FOXK1: variants seen among roughly 807,000 people sequenced by gnomAD.
FOXK1 encodes forkhead box protein K1.
A neutral mutation model predicts 51.9 loss-of-function variants in FOXK1; 19 were observed. That is an observed-to-expected ratio of 0.37 (90% CI 0.26 to 0.54). The LOEUF is 0.54. Ranked by LOEUF, FOXK1 falls within the 20% of genes least tolerant of loss-of-function variation. The pLI, the probability that FOXK1 is intolerant of heterozygous loss-of-function variation, is 0.87. For synonymous variants in FOXK1, 537 were observed against 482.6 expected (o/e 1.11, Z -1.48); for missense variants, 870 against 1,032.7 (o/e 0.84, Z 2.16).
At chr7:4,689,507 A>G (rs554307619) in intron 1 of FOXK1, among the ~76,000 whole-genome samples, 15 of 152,156 alleles carry the variant, frequency 9.9e-5, no homozygotes, top group Non-Finnish European at 2.1e-4. Flanking sequence ...GAGCATGACA[A>G]TTGGGTGTTT....
rs1780125589 is a variant in FOXK1, at chr7:4,707,935, A to G, written c.560+25067A>G. On this transcript the variant is annotated intron_variant, in intron 1 of 8. Transcript: ENST00000328914. The surrounding 1 kb of genome is among the most constrained non-coding windows in gnomAD (Gnocchi z 4.1). ...CTGCCCCAAGTGATCCACCCTCCTC[A>G]GCCTCCCAAAGTGCTGGGATTACAC... is the stretch of plus-strand genomic sequence containing the variant. Among the ~76,000 whole-genome samples, 1 of 152,052 alleles carries G rather than the reference A, an allele frequency of 6.6e-6. No homozygotes were observed. Among genetic ancestry groups the G allele is most frequent in the South Asian group, 2.1e-4 (1 of 4,826 alleles).
rs1187935296 is a variant in FOXK1, at chr7:4,764,820, C to T, written c.*2356C>T. 1 of 152,328 alleles carries T rather than the reference C, an allele frequency of 6.6e-6. No homozygotes were observed. The highest frequency in any genetic ancestry group is 1.9e-4 in the East Asian group (1 of 5,194). The allele number at this position is 152,328 out of a possible 1,614,324, so 9.4% of individuals were successfully genotyped here. On this transcript the variant is annotated 3_prime_UTR_variant, in exon 9 of 9. Transcript: ENST00000328914. ...AGCGCCGCGTGCTGGGATTGCACCA[C>T]GTGTTGGTCACAAATCGAGGTCGCC...
chr7:4,737,012 C>T (rs1043001315), intron 1 of FOXK1, among the ~76,000 whole-genome samples: 1 of 152,206 alleles, frequency 6.6e-6, no homozygotes, highest in Non-Finnish European at 1.5e-5. Context: ...ACCTGGCTTT[C>T]AGGTGCCAGT....
chr7:4,740,667 A>T (rs1243426768), intron 1 of FOXK1, among the ~76,000 whole-genome samples, 171 bp from the exon 2 acceptor site: 1 of 152,118 alleles, frequency 6.6e-6, no homozygotes, highest in East Asian at 1.9e-4. Context: ...CAAATAAGCC[A>T]AAGTCTCAGT....
rs916540894 is a variant in FOXK1 at position 4,733,116 on chromosome 7, T to G, written c.561-7722T>G. Among the ~76,000 whole-genome samples, 2 of 152,218 alleles carry G rather than the reference T, an allele frequency of 1.3e-5. No individual in the cohort carries two copies. The highest frequency in any genetic ancestry group is 2.4e-5 in the African/African-American group (1 of 41,462). ...GGATTCTTTCAGTTAGGACGTAGTT[T>G]TGATTTTGCAACAAAGGTCAAAAAT... On this transcript the variant is annotated intron_variant, in intron 1 of 8. Transcript: ENST00000328914. This position sits in a 1 kb window ranked among gnomAD's most constrained non-coding sequence, Gnocchi z 5.0.
At chr7:4,751,207 G>A (rs11977614) in intron 2 of FOXK1, among the ~76,000 whole-genome samples, 1,845 of 151,228 alleles carry the variant, frequency 0.012, 43 homozygotes, top group African/African-American at 0.041. Flanking sequence ...TTTTAGTAGA[G>A]ACGGGGTTTC....
rs1161774015 is a variant in FOXK1, at chr7:4,743,124, G to A, written c.746+2101G>A. ...GTGAATCCTAAGTGACTGAGAGCCT[G>A]GTGTGTGCCCGCCTGGCCCTGTGCT... On this transcript the variant is annotated intron_variant, in intron 2 of 8. Transcript: ENST00000328914. This position sits in a 1 kb window ranked among gnomAD's most constrained non-coding sequence, Gnocchi z 5.3. Among the ~76,000 whole-genome samples, 7 of 152,218 alleles carry A rather than the reference G, an allele frequency of 4.6e-5. No individual in the cohort carries two copies. The highest frequency in any genetic ancestry group is 1.4e-4 in the African/African-American group (6 of 41,460).
rs1469236182 is a variant in FOXK1 at position 4,758,012 on chromosome 7, T to G, written c.1244+825T>G. 6.6e-6 allele frequency: 1 copy of G among 152,210 alleles called. No individual in the cohort carries two copies. The highest frequency in any genetic ancestry group is 1.5e-5 in the Non-Finnish European group (1 of 68,052). 9.4% of individuals were successfully genotyped at this position (152,210 alleles called of 1,614,324 possible). On this transcript the variant is annotated intron_variant, in intron 5 of 8. Transcript: ENST00000328914. This position sits in a 1 kb window ranked among gnomAD's most constrained non-coding sequence, Gnocchi z 4.4. ...TGTATTAAAAATAAGATTTTAGTTC[T>G]TAGAAGTGGAAATGTGTGTAGCAAT...
At position 4,730,198 on chromosome 7, in the gene FOXK1, T is replaced by C. The variant is rs934786948; in HGVS notation, c.561-10640T>C. ...AAACAAATTAGGCCCTATGAACGCA[T>C]AAGAACTTATAAACACTAAAACTGC... On this transcript the variant is annotated intron_variant, in intron 1 of 8. Transcript: ENST00000328914. The surrounding 1 kb of genome is among the most constrained non-coding windows in gnomAD (Gnocchi z 4.7). Among the ~76,000 whole-genome samples the C allele has an allele frequency of 1.3e-5, 2 of 152,142 alleles. No homozygotes were observed. Among genetic ancestry groups the C allele is most frequent in the Non-Finnish European group, 2.9e-5 (2 of 68,024 alleles).
chr7:4,729,939 G>A lies in FOXK1; in HGVS notation c.561-10899G>A, dbSNP rs1252090812. On this transcript the variant is annotated intron_variant, in intron 1 of 8. Coordinates refer to ENST00000328914, the MANE Select transcript of FOXK1 (RefSeq NM_001037165.2). The surrounding 1 kb of genome is among the most constrained non-coding windows in gnomAD (Gnocchi z 6.2). Reference sequence around the variant, plus strand: ...CGGAAGGTGGAGTTTGCAGTGAGCTGAGATCCAGCCACTGCCCTCCAGCCT... The same window carrying A: ...CGGAAGGTGGAGTTTGCAGTGAGCTAAGATCCAGCCACTGCCCTCCAGCCT... Among the ~76,000 whole-genome samples, 4 of 152,138 alleles carry A rather than the reference G, an allele frequency of 2.6e-5. No individual in the cohort carries two copies. The highest frequency in any genetic ancestry group is 9.7e-5 in the African/African-American group (4 of 41,410).
In FOXK1 at chr7:4,759,567, C is replaced by T. The variant is rs370318084; in HGVS notation, c.1668C>T (p.Ala556=). The T allele has an allele frequency of 4.5e-4, 697 of 1,538,284 alleles. No homozygotes were observed. The highest frequency in any genetic ancestry group is 5.8e-4 in the Non-Finnish European group (665 of 1,147,716). ...AGGSHDAAGA[A]VLDLGSEARG... The stretch of plus-strand genomic sequence containing the variant: ...GCTCCCATGATGCGGCGGGCGCAGC[C>T]GTGCTGGACCTGGGCAGCGAGGCCA... Residue 556 remains alanine (A), a synonymous_variant, in exon 7 of 9, where the codon GCC becomes GCT. Transcript: ENST00000328914.
chr7:4,738,490 A>G (rs1780587831), intron 1 of FOXK1, among the ~76,000 whole-genome samples: 1 of 152,144 alleles, frequency 6.6e-6, no homozygotes, highest in African/African-American at 2.4e-5. Flanking sequence ...TAGTCAAAAT[A>G]CTGATGCAGG....
chr7:4,708,455 A>G (rs895314505), intron 1 of FOXK1, among the ~76,000 whole-genome samples: 1 of 152,206 alleles, frequency 6.6e-6, no homozygotes, highest in Non-Finnish European at 1.5e-5. Context: ...GGAAAGGTTG[A>G]TTAGGTTAAA....
chr7:4,710,438 G>T (rs756508631), intron 1 of FOXK1, among the ~76,000 whole-genome samples: 47 of 152,194 alleles, frequency 3.1e-4, no homozygotes, highest in Non-Finnish European at 2.6e-4. Flanking sequence ...AGCTGGGCGT[G>T]GTGAGGGGTG....
chr7:4,715,360 C>T lies in FOXK1; in HGVS notation c.561-25478C>T, dbSNP rs1272090039. Among the ~76,000 whole-genome samples the T allele has an allele frequency of 1.3e-5, 2 of 152,090 alleles. No homozygotes were observed. The highest frequency in any genetic ancestry group is 2.9e-5 in the Non-Finnish European group (2 of 68,020). On this transcript the variant is annotated intron_variant, in intron 1 of 8. Transcript: ENST00000328914. The surrounding 1 kb of genome is among the most constrained non-coding windows in gnomAD (Gnocchi z 4.5). ...TAGGATCAAGCCCAAGTGTTCAGGG[C>T]GCTCAGCTGTGGGTGGCCCGTGTAC...
chr7:4,750,727 A>G (rs1780764536), intron 2 of FOXK1, among the ~76,000 whole-genome samples: 1 of 150,788 alleles, frequency 6.6e-6, no homozygotes, highest in Admixed American at 6.6e-5. Flanking sequence ...TTTTTGAGAC[A>G]GAGTTTCACT....
chr7:4,743,951 A>G lies in FOXK1; in HGVS notation c.746+2928A>G, dbSNP rs913485600. Among the ~76,000 whole-genome samples, 19 of 150,390 alleles carry G rather than the reference A, an allele frequency of 1.3e-4. No individual in the cohort carries two copies. The highest frequency in any genetic ancestry group is 4.7e-4 in the African/African-American group (19 of 40,672). On this transcript the variant is annotated intron_variant, in intron 2 of 8. Coordinates refer to ENST00000328914, the MANE Select transcript of FOXK1 (RefSeq NM_001037165.2). This position sits in a 1 kb window ranked among gnomAD's most constrained non-coding sequence, Gnocchi z 5.3. The stretch of plus-strand genomic sequence containing the variant: ...GAGTGCAGTGGCGTGATCTTGGCTC[A>G]GTGCAAGCTCCACCTCCCTGGTTCA...
Position 4,730,485 on chromosome 7 carries a change from G to A in FOXK1, c.561-10353G>A, listed in dbSNP as rs1286477560. Among the ~76,000 whole-genome samples the A allele has an allele frequency of 2.6e-5, 4 of 152,232 alleles. No homozygotes were observed. The highest frequency in any genetic ancestry group is 7.2e-5 in the African/African-American group (3 of 41,458). On this transcript the variant is annotated intron_variant, in intron 1 of 8. Coordinates refer to ENST00000328914, the MANE Select transcript of FOXK1 (RefSeq NM_001037165.2). This position sits in a 1 kb window ranked among gnomAD's most constrained non-coding sequence, Gnocchi z 4.7. The stretch of plus-strand genomic sequence containing the variant: ...GGGACGCAGGCCCAGTGGAGAGGGC[G>A]TGGTTTGCAGGCACCAGTGCTGGTT...
At position 4,683,101 on chromosome 7, in the gene FOXK1, C is replaced by T. The variant is rs1779774262; in HGVS notation, c.560+233C>T. Among the ~76,000 whole-genome samples, 2 of 151,024 alleles carry T rather than the reference C, an allele frequency of 1.3e-5. No homozygotes were observed. ...CCTGGAGGCTCCAGCCTGAGGATCT[C>T]CTCCACTTTCCCCGGTCTGGATACC... On this transcript the variant is annotated intron_variant, in intron 1 of 8. Coordinates refer to ENST00000328914, the MANE Select transcript of FOXK1 (RefSeq NM_001037165.2). This position sits in a 1 kb window ranked among gnomAD's most constrained non-coding sequence, Gnocchi z 4.5.
Sources: gnomAD v4.1 joint callset for allele counts (sites outside exome capture counted in the v4.1 genomes callset) on GRCh38, gnomAD v4.1.1 for gene constraint, Gnocchi (gnomAD v3.1) non-coding constraint, MANE v1.5 for transcripts, NCBI Gene and HGNC (gene_info 2026-07-23, HGNC 2026-07-21) for gene names.